The following PCDH17 variants were observed in gnomAD, a reference collection of about 807,000 sequenced individuals.
PCDH17 encodes the protein protocadherin 17.
Under a neutral mutation model 67.7 loss-of-function variants are expected in PCDH17, and 21 were observed. The ratio of observed to expected loss-of-function variants is 0.31; its 90% CI spans 0.22 to 0.45. The LOEUF (loss-of-function observed/expected upper bound fraction) is 0.45, where lower values mean the gene tolerates loss of function less well. Among genes scored for constraint, PCDH17 ranks in the 20% least tolerant of loss-of-function variants. PCDH17 has a pLI of 1.00. For missense variants in PCDH17, 1,471 were observed against 1,564.8 expected (o/e 0.94, Z 1.01); for synonymous variants, 701 against 656.7 (o/e 1.07, Z -1.03).
intron 3 of PCDH17, among the ~76,000 whole-genome samples, chr13:57,674,103 C>A (rs1955358178): frequency 6.6e-6 from 1 of 151,838 alleles, no homozygotes; most frequent in Admixed American, 6.6e-5. Flanking sequence ...ATTGTAAAGC[C>A]TCCTAACAAG....
rs376135774 is a variant in PCDH17, at chr13:57,725,009, T to G, written c.3195T>G (p.Ala1065=). Residue 1065 remains alanine, a synonymous_variant, in exon 4 of 4, where the codon GCT becomes GCG. Transcript: ENST00000377918. ...DGCEAKPGAL[A]EASSQYLPTD... ...GTGAAGCAAAACCAGGAGCCCTGGC[T>G]GAAGCAAGCAGTCAGTACTTGCCCA... 2 of 1,614,160 alleles carry G rather than the reference T, an allele frequency of 1.2e-6. No individual in the cohort carries two copies. The highest frequency in any genetic ancestry group is 4.5e-5 in the East Asian group (2 of 44,860).
intron 3 of PCDH17, among the ~76,000 whole-genome samples, chr13:57,708,172 A>C (rs1157309180): frequency 1.3e-5 from 2 of 152,016 alleles, no homozygotes; most frequent in African/African-American, 2.4e-5. Context: ...GATATTGACT[A>C]CTGAGTTTGG....
In PCDH17 at chr13:57,633,573, G is replaced by T; in HGVS notation, c.1027G>T (p.Asp343Tyr). 2 of 1,613,426 alleles carry T rather than the reference G, an allele frequency of 1.2e-6. No homozygotes were observed. The highest frequency in any genetic ancestry group is 1.7e-6 in the Non-Finnish European group (2 of 1,180,024). Residue 343 changes from aspartate (D) to tyrosine (Y), a missense_variant, in exon 1 of 4, where the codon GAC (aspartate) becomes TAC (tyrosine). Around this residue, in one of 3 missense-constraint regions of PCDH17, gnomAD observed 1,163 missense variants for 1,230.0 expected, o/e 0.95. Transcript: ENST00000377918. This position sits in a 1 kb window ranked among gnomAD's most constrained non-coding sequence, Gnocchi z 6.2. ...AHCKVTVKLI[D>Y]RNDNAPSIGF... ...CTGCAAAGTCACGGTCAAGCTCATC[G>T]ACCGCAACGACAATGCGCCGTCCAT...
At chr13:57,649,369 A>G (rs1241707784) in intron 1 of PCDH17, among the ~76,000 whole-genome samples, 2 of 152,114 alleles carry the variant, frequency 1.3e-5, no homozygotes, top group Non-Finnish European at 2.9e-5. Context: ...TTTGTTTTTT[A>G]TTGACTCCAT....
chr13:57,670,281 C>T (rs1955303743), intron 3 of PCDH17, among the ~76,000 whole-genome samples: 1 of 151,806 alleles, frequency 6.6e-6, no homozygotes, highest in Non-Finnish European at 1.5e-5. Flanking sequence ...AAGTCAAGCA[C>T]ACATATAAAT....
Position 57,725,119 on chromosome 13 carries a change from A to T in PCDH17, c.3305A>T (p.Asp1102Val). 2 of 1,614,156 alleles carry T rather than the reference A, an allele frequency of 1.2e-6. No individual in the cohort carries two copies. Among genetic ancestry groups the T allele is most frequent in the Non-Finnish European group, 1.7e-6 (2 of 1,180,010 alleles). Residue 1102 changes from aspartate to valine, a missense_variant, in exon 4 of 4, where the codon GAT (aspartate) becomes GTT (valine). Coordinates refer to ENST00000377918, the MANE Select transcript of PCDH17 (RefSeq NM_001040429.3). The stretch of plus-strand genomic sequence containing the variant: ...GATCAGATGGCAAGGGTCTTTGCAG[A>T]TGTGCATTCCAGAGCCAGCCGGGAT... ...ASDQMARVFA[D>V]VHSRASRDSS...
At position 57,727,496 on chromosome 13, in the gene PCDH17, C is replaced by T. The variant is rs1486882293; in HGVS notation, c.*2202C>T. On this transcript the variant is annotated 3_prime_UTR_variant, in exon 4 of 4. Coordinates refer to ENST00000377918, the MANE Select transcript of PCDH17 (RefSeq NM_001040429.3). ...GCCATCAATATTTTAGACTGTACCTCGTTTGCAAAACTGCTTTGAGAGGGA... is the reference window on the plus strand; with the variant it reads ...GCCATCAATATTTTAGACTGTACCTTGTTTGCAAAACTGCTTTGAGAGGGA... 6.6e-6 allele frequency: 1 copy of T among 152,112 alleles called. No individual in the cohort carries two copies. The highest frequency in any genetic ancestry group is 2.4e-5 in the African/African-American group (1 of 41,434). The allele number at this position is 152,112 out of a possible 1,614,324, so 9.4% of individuals were successfully genotyped here. A position where few individuals can be genotyped will look rare whatever the true frequency, so the allele number is the denominator to read the frequency against.
chr13:57,636,776 T>C (rs1206971211), intron 1 of PCDH17, among the ~76,000 whole-genome samples: 1 of 152,176 alleles, frequency 6.6e-6, no homozygotes, highest in Non-Finnish European at 1.5e-5. Context: ...ATTTTATAAA[T>C]ACACATATGT....
chr13:57,711,920 A>G (rs944838232), intron 3 of PCDH17, among the ~76,000 whole-genome samples: 2 of 151,424 alleles, frequency 1.3e-5, no homozygotes, highest in Non-Finnish European at 3.0e-5. Context: ...CTAACAATAC[A>G]TTATTTATAT....
In PCDH17 at chr13:57,728,596, C is replaced by T. The variant is rs781258469; in HGVS notation, c.*3302C>T. 5 of 148,608 alleles carry T rather than the reference C, an allele frequency of 3.4e-5. No homozygotes were observed. Among genetic ancestry groups the T allele is most frequent in the Non-Finnish European group, 7.4e-5 (5 of 67,414 alleles). The allele number at this position is 148,608 out of a possible 1,614,324, so 9.2% of individuals were successfully genotyped here. A position where few individuals can be genotyped will look rare whatever the true frequency, so the allele number is the denominator to read the frequency against. ...AAGTAGTGAGAATCTGTTAGTTATA[C>T]GTATACCAAAGTAAACATTAAAGAG... is the stretch of plus-strand genomic sequence containing the variant. On this transcript the variant is annotated 3_prime_UTR_variant, in exon 4 of 4. Transcript: ENST00000377918.
At chr13:57,693,625 CAAT>C (rs1955581062) in intron 3 of PCDH17, among the ~76,000 whole-genome samples, 2 of 150,310 alleles carry the variant, frequency 1.3e-5, no homozygotes, top group African/African-American at 4.9e-5. Flanking sequence ...TGGAAGGACA[CAAT>C]AATTTAAAAA....
intron 3 of PCDH17, among the ~76,000 whole-genome samples, chr13:57,722,468 A>G (rs1011970440): frequency 2.6e-5 from 4 of 152,194 alleles, no homozygotes; most frequent in African/African-American, 9.7e-5. Context: ...AAATTTGTTG[A>G]AAGTTATCTA....
At chr13:57,706,516 A>C (rs1440220265) in intron 3 of PCDH17, among the ~76,000 whole-genome samples, 1 of 152,168 alleles carries the variant, frequency 6.6e-6, no homozygotes, top group Non-Finnish European at 1.5e-5. Context: ...TGGGTGGCTT[A>C]AAACAAGAGA....
At chr13:57,659,103 T>TTTG (rs374114309) in intron 1 of PCDH17, among the ~76,000 whole-genome samples, 4 of 139,750 alleles carry the variant, frequency 2.9e-5, no homozygotes, top group Non-Finnish European at 6.1e-5. Flanking sequence ...GTTATTTATA[T>TTTG]TGTGTGTGTG....
chr13:57,704,317 A>G (rs1348846836), intron 3 of PCDH17, among the ~76,000 whole-genome samples: 2 of 152,076 alleles, frequency 1.3e-5, no homozygotes, highest in East Asian at 3.9e-4. Flanking sequence ...TTTGGTAGGC[A>G]TTACAGATCA....
At position 57,635,076 on chromosome 13, in the gene PCDH17, A is replaced by G. The variant is rs1593889554; in HGVS notation, c.2530A>G (p.Ser844Gly). The G allele has an allele frequency of 6.2e-7, 1 of 1,613,536 alleles. No homozygotes were observed. The highest frequency in any genetic ancestry group is 1.1e-5 in the South Asian group (1 of 91,054). Residue 844 changes from serine (S) to glycine (G), a missense_variant, in exon 1 of 4, where the codon AGC becomes GGC. Ser to Gly is a moderately conservative substitution (Grantham distance 56). Transcript: ENST00000377918. Reference protein sequence around the residue: ...TSFTGQGTNASETPATRMSII... With the variant: ...TSFTGQGTNAGETPATRMSII... The stretch of plus-strand genomic sequence containing the variant: ...CTTCACCGGACAAGGGACTAATGCA[A>G]GCGAGACCCCTGCCACTCGGATGTC...
At chr13:57,718,511 T>C (rs1955843054) in intron 3 of PCDH17, among the ~76,000 whole-genome samples, 1 of 152,010 alleles carries the variant, frequency 6.6e-6, no homozygotes, top group Non-Finnish European at 1.5e-5. Flanking sequence ...TGAATATAGA[T>C]TGTTAAGGTA....
intron 3 of PCDH17, among the ~76,000 whole-genome samples, chr13:57,709,936 C>A (rs2138087488): frequency 6.6e-6 from 1 of 151,948 alleles, no homozygotes; most frequent in Non-Finnish European, 1.5e-5. Flanking sequence ...CTTAGTATTT[C>A]CGGAAAAGCT....
chr13:57,677,999 A>G (rs1461828491), intron 3 of PCDH17, among the ~76,000 whole-genome samples: 1 of 151,738 alleles, frequency 6.6e-6, no homozygotes, highest in Admixed American at 6.6e-5. Flanking sequence ...CAGCATGGTG[A>G]CTATGGTTAA....
Sources: allele counts gnomAD v4.1 joint callset (sites outside exome capture counted in the v4.1 genomes callset), GRCh38; gene constraint gnomAD v4.1.1; regional missense constraint gnomAD v4.1.1; non-coding constraint Gnocchi (gnomAD v3.1); transcripts MANE v1.5; gene names NCBI Gene and HGNC (gene_info 2026-07-23, HGNC 2026-07-21).